The following PACRG variants were observed in gnomAD, a reference collection of about 807,000 sequenced individuals.
The protein encoded by PACRG is parkin coregulated, also known as parkin coregulated gene protein.
A neutral mutation model predicts 29.7 loss-of-function variants in PACRG; 29 were observed. The observed-to-expected ratio is 0.98, with a 90% CI of 0.73 to 1.33. The LOEUF (loss-of-function observed/expected upper bound fraction) is 1.33. Ranked by LOEUF, PACRG falls within the 40% of genes most tolerant of loss-of-function variation. PACRG has a pLI of 0.00. For synonymous variants in PACRG, 116 were observed against 118.7 expected, an observed-to-expected ratio of 0.98 and a Z score of 0.15; for missense variants, 279 against 316.2, an observed-to-expected ratio of 0.88 and a Z score of 0.89.
chr6:163,012,472 A>G (rs1459490953), intron 2 of PACRG, among the ~76,000 whole-genome samples: 1 of 152,236 alleles, frequency 6.6e-6, no homozygotes, highest in Non-Finnish European at 1.5e-5. Flanking sequence ...ATGGAAATTG[A>G]CCACTAATAT....
At chr6:163,042,334 C>T (rs891219016) in intron 2 of PACRG, among the ~76,000 whole-genome samples, 3 of 152,136 alleles carry the variant, frequency 2.0e-5, no homozygotes, top group Admixed American at 6.5e-5. Flanking sequence ...TCCTAAATAG[C>T]GATGCTTGGT....
At position 163,252,207 on chromosome 6, in the gene PACRG, C is replaced by T. The variant is rs963115671; in HGVS notation, c.614-62620C>T. 5.3e-5 allele frequency among the ~76,000 whole-genome samples: 8 copies of T among 152,348 alleles called. No individual in the cohort carries two copies. The East Asian group carries it at 7.7e-4, about 15-fold the overall frequency. The stretch of plus-strand genomic sequence containing the variant: ...AGAGCCAAGAGACAGGCCTGGTGCA[C>T]GTGAGGGCCGCAGCCCCTGCTGCTG... On this transcript the variant is annotated intron_variant, in intron 4 of 4. Coordinates refer to ENST00000366888, the MANE Select transcript of PACRG (RefSeq NM_001080379.2).
chr6:162,878,506 G>A (rs947104440), intron 2 of PACRG, among the ~76,000 whole-genome samples: 3 of 152,026 alleles, frequency 2.0e-5, no homozygotes, highest in African/African-American at 7.2e-5. Context: ...TCTCATCTGT[G>A]CCTGCCTATC....
At chr6:163,296,939 T>A (rs561015431) in intron 4 of PACRG, among the ~76,000 whole-genome samples, 12 of 152,350 alleles carry the variant, frequency 7.9e-5, no homozygotes, top group African/African-American at 2.2e-4. Flanking sequence ...AAATACCAGA[T>A]AATTTCGAAC....
chr6:162,768,593 AT>A (rs2128299445), intron 1 of PACRG, among the ~76,000 whole-genome samples: 1 of 152,174 alleles, frequency 6.6e-6, no homozygotes, highest in Admixed American at 6.5e-5. Context: ...GATATTTTAT[AT>A]TTTAATTTTT....
intron 2 of PACRG, among the ~76,000 whole-genome samples, chr6:162,830,061 C>T (rs1036582443): frequency 6.6e-6 from 1 of 152,156 alleles, no homozygotes; most frequent in African/African-American, 2.4e-5. Context: ...TGTCATGGTT[C>T]AGAGCTGAGG....
intron 4 of PACRG, among the ~76,000 whole-genome samples, chr6:163,098,806 A>G (rs1814830968): frequency 6.6e-6 from 1 of 152,232 alleles, no homozygotes; most frequent in Non-Finnish European, 1.5e-5. Context: ...AAGATATGCT[A>G]AACAACGGGC....
intron 1 of PACRG, among the ~76,000 whole-genome samples, chr6:162,792,037 G>A (rs1784995074): frequency 6.6e-6 from 1 of 152,160 alleles, no homozygotes; most frequent in Non-Finnish European, 1.5e-5. Flanking sequence ...AGAGGTGTTG[G>A]AGGTTTGAGG....
At position 162,728,003 on chromosome 6, in the gene PACRG, A is replaced by T. The variant is rs1779402692; in HGVS notation, c.-233A>T. 1.7e-5 allele frequency: 11 copies of T among 630,994 alleles called. 1 individual carries two copies. The South Asian group carries it at 2.1e-4, about 12-fold the overall frequency. The allele number at this position is 630,994 out of a possible 1,614,324, so 39.1% of individuals were successfully genotyped here. A position where few individuals can be genotyped will look rare whatever the true frequency, so the allele number is the denominator to read the frequency against. ...AGCAACCGGGAGGCTTACCTTTGGA[A>T]GCTTGTTGCAGCTCTAGCCAAGGTC... On this transcript the variant is annotated 5_prime_UTR_variant, in exon 1 of 5. It adds an upstream start codon to the 5' untranslated region. Transcript: ENST00000366888.
chr6:162,940,044 G>A (rs951955083), intron 2 of PACRG, among the ~76,000 whole-genome samples: 5 of 152,172 alleles, frequency 3.3e-5, no homozygotes, highest in Non-Finnish European at 5.9e-5. Context: ...TAAACACTCA[G>A]TATAATAGAT....
intron 2 of PACRG, among the ~76,000 whole-genome samples, chr6:162,924,826 G>T (rs1206102575): frequency 6.6e-6 from 1 of 152,124 alleles, no homozygotes. Context: ...CAGTGGAACT[G>T]AAGGAGATAG....
intron 1 of PACRG, among the ~76,000 whole-genome samples, chr6:162,776,854 C>T (rs556924342): frequency 2.6e-5 from 4 of 152,276 alleles, no homozygotes; most frequent in African/African-American, 9.6e-5. Context: ...TCCTGTGTCT[C>T]CCTAAGCCAC....
chr6:163,024,925 A>T (rs1165155891), intron 2 of PACRG, among the ~76,000 whole-genome samples: 1 of 152,210 alleles, frequency 6.6e-6, no homozygotes, highest in Non-Finnish European at 1.5e-5. Flanking sequence ...TTCAACATAT[A>T]CAAATCAATA....
intron 2 of PACRG, among the ~76,000 whole-genome samples, chr6:162,878,827 A>T (rs1256061132): frequency 6.6e-6 from 1 of 152,184 alleles, no homozygotes; most frequent in Non-Finnish European, 1.5e-5. Context: ...CATAAGCCCC[A>T]TGTTATTCTA....
chr6:162,929,918 A>G (rs558683709), intron 2 of PACRG, among the ~76,000 whole-genome samples: 2 of 152,006 alleles, frequency 1.3e-5, no homozygotes, highest in South Asian at 2.1e-4. Context: ...TGGGTTCTCT[A>G]TTCTGTTTCA....
chr6:163,177,433 A>C (rs1779419118), intron 4 of PACRG, among the ~76,000 whole-genome samples: 1 of 152,210 alleles, frequency 6.6e-6, no homozygotes, highest in African/African-American at 2.4e-5. Flanking sequence ...GTCTCACATC[A>C]GAGAAACCTA....
At chr6:163,007,050 C>T (rs989639836) in intron 2 of PACRG, among the ~76,000 whole-genome samples, 1 of 151,570 alleles carries the variant, frequency 6.6e-6, no homozygotes, top group African/African-American at 2.4e-5. Flanking sequence ...TTATGATTCC[C>T]TTGTATTTCA....
At chr6:163,103,731 A>G (rs1368415830) in intron 4 of PACRG, among the ~76,000 whole-genome samples, 1 of 152,228 alleles carries the variant, frequency 6.6e-6, no homozygotes, top group Non-Finnish European at 1.5e-5. Context: ...CTGGATGACC[A>G]TGACTGGGAG....
At chr6:162,908,985 G>A (rs1297387219) in intron 2 of PACRG, among the ~76,000 whole-genome samples, 1 of 152,122 alleles carries the variant, frequency 6.6e-6, no homozygotes, top group Non-Finnish European at 1.5e-5. Context: ...ACAAAATCTC[G>A]AAATGCTACT....
Sources: allele counts gnomAD v4.1 joint callset (sites outside exome capture counted in the v4.1 genomes callset), GRCh38; gene constraint gnomAD v4.1.1; transcripts MANE v1.5; gene names NCBI Gene and HGNC (gene_info 2026-07-23, HGNC 2026-07-21).